Variants in OOSP2 observed in about 807,000 individuals in gnomAD.
OOSP2 encodes the protein oocyte secreted protein 2.
In OOSP2, 7 loss-of-function variants were observed where a neutral mutation model predicts 13.4. The observed-to-expected ratio is 0.52, with a 90% CI of 0.30 to 0.98. The LOEUF is 0.98. OOSP2 is among the 50% of genes least tolerant of loss of function. OOSP2 has a pLI of 0.07. For missense variants in OOSP2, 184 were observed against 188.5 expected (o/e 0.98, Z 0.14); for synonymous variants, 75 against 67.2 (o/e 1.12, Z -0.57).
chr11:60,045,363 A>G (rs1034395312), intron 3 of OOSP2, among the ~76,000 whole-genome samples: 9 of 151,668 alleles, frequency 5.9e-5, no homozygotes, highest in African/African-American at 2.2e-4. Flanking sequence ...GTATCCTGAT[A>G]CACTTTTTTT....
At position 60,044,744 on chromosome 11, in the gene OOSP2, A is replaced by G; in HGVS notation, c.317A>G (p.Gln106Arg). Residue 106 changes from glutamine (Q) to arginine (R), a missense_variant, in exon 3 of 4, where the codon CAG becomes CGG. Physicochemically the swap from Gln to Arg is conservative, Grantham distance 43. Transcript: ENST00000278855. ...FTPRNIDHDP[Q>R]EIHLECSTSR... The stretch of plus-strand genomic sequence containing the variant: ...CCAAGGAATATAGATCATGACCCTC[A>G]GGAAATCCATTTGGAGTGTTCCACC... The G allele has an allele frequency of 1.9e-6, 3 of 1,596,744 alleles. No individual in the cohort carries two copies. The highest frequency in any genetic ancestry group is 1.7e-6 in the Non-Finnish European group (2 of 1,164,646).
intron 3 of OOSP2, among the ~76,000 whole-genome samples, chr11:60,045,938 C>T (rs908237135): frequency 6.6e-6 from 1 of 151,908 alleles, no homozygotes; most frequent in African/African-American, 2.4e-5. Flanking sequence ...TGTCTCTGTC[C>T]TTGTCTGTCC....
Position 60,040,411 on chromosome 11 carries a change from T to G in OOSP2, c.-49T>G, listed in dbSNP as rs371474191. The G allele has an allele frequency of 8.9e-7, 1 of 1,120,468 alleles. No homozygotes were observed. The highest frequency in any genetic ancestry group is 1.5e-5 in the African/African-American group (1 of 65,640). The allele number at this position is 1,120,468 out of a possible 1,614,324, so 69.4% of individuals were successfully genotyped here. On this transcript the variant is annotated 5_prime_UTR_variant, in exon 1 of 4. Transcript: ENST00000278855. ...ATCACTTAAACCAGTCGCCACTCCTTGTTTCCTGAGTTGTCCTGTGCTGGA... is the reference window on the plus strand; with the variant it reads ...ATCACTTAAACCAGTCGCCACTCCTGGTTTCCTGAGTTGTCCTGTGCTGGA...
At chr11:60,040,666 G>T in intron 1 of OOSP2, 143 bp downstream of exon 1, 1 of 611,500 alleles carries the variant, frequency 1.6e-6, no homozygotes, top group Non-Finnish European at 3.0e-6. Flanking sequence ...AAGTAGACTT[G>T]TGTCAATATA....
chr11:60,040,529 T>C lies in OOSP2; in HGVS notation c.64+6T>C, dbSNP rs1854914866. The C allele has an allele frequency of 6.6e-7, 1 of 1,516,384 alleles. No homozygotes were observed. Among genetic ancestry groups the C allele is most frequent in the Non-Finnish European group, 9.2e-7 (1 of 1,090,694 alleles). 93.9% of individuals were successfully genotyped at this position (1,516,384 alleles called of 1,614,324 possible). A position where few individuals can be genotyped will look rare whatever the true frequency, so the allele number is the denominator to read the frequency against. On this transcript the variant is annotated splice_donor_region_variant and intron_variant, in intron 1 of 3. Coordinates refer to ENST00000278855, the MANE Select transcript of OOSP2 (RefSeq NM_173801.5). ...CGGTGCTGAGAACCTCCATGGTAAA[T>C]AACAAGTTTTAGAGAATGCTTCCTC...
Position 60,047,610 on chromosome 11 carries a change from T to C in OOSP2, c.*537T>C, listed in dbSNP as rs1168892098. 1.3e-5 allele frequency: 2 copies of C among 152,166 alleles called. No individual in the cohort carries two copies. The highest frequency in any genetic ancestry group is 2.9e-5 in the Non-Finnish European group (2 of 68,010). The allele number at this position is 152,166 out of a possible 1,614,324, so 9.4% of individuals were successfully genotyped here. A position where few individuals can be genotyped will look rare whatever the true frequency, so the allele number is the denominator to read the frequency against. ...ACAATAATGCCATGTGACAACCTAT[T>C]TAGATTATTCCAGAATTAAATTCAA... On this transcript the variant is annotated 3_prime_UTR_variant, in exon 4 of 4. Coordinates refer to ENST00000278855, the MANE Select transcript of OOSP2 (RefSeq NM_173801.5).
intron 1 of OOSP2, among the ~76,000 whole-genome samples, chr11:60,040,878 G>C (rs1427556709): frequency 2.0e-5 from 3 of 152,160 alleles, no homozygotes; most frequent in Admixed American, 1.3e-4. Flanking sequence ...AAGATATTCA[G>C]TTGCATCTTA....
chr11:60,043,277 T>C (rs1465814573), intron 1 of OOSP2, among the ~76,000 whole-genome samples, 192 bp from the exon 2 acceptor site: 2 of 152,310 alleles, frequency 1.3e-5, no homozygotes, highest in East Asian at 3.9e-4. Flanking sequence ...TCTAGTTACA[T>C]GGGGGCATAA....
chr11:60,042,766 G>A (rs1291622196), intron 1 of OOSP2, among the ~76,000 whole-genome samples: 1 of 151,932 alleles, frequency 6.6e-6, no homozygotes, highest in Admixed American at 6.6e-5. Flanking sequence ...CTTTCCAAAA[G>A]TATACTGGGA....
In OOSP2 at chr11:60,043,626, T is replaced by C. The variant is rs1280478759; in HGVS notation, c.222T>C (p.Arg74=). The part of the protein sequence containing the change: ...TYVYEFIYLV[R]DCGIRTRVVS... ...TATATGAGTTTATATATCTTGTTCG[T>C]GATTGTGGCATCAGGACAAGGGTAA... The change falls in exon 2 of 4, where the codon CGT becomes CGC. Residue 74 remains arginine (R), a synonymous_variant. Transcript: ENST00000278855. 3 of 1,603,666 alleles carry C rather than the reference T, an allele frequency of 1.9e-6. No individual in the cohort carries two copies. The highest frequency in any genetic ancestry group is 1.7e-6 in the Non-Finnish European group (2 of 1,171,190).
intron 1 of OOSP2, among the ~76,000 whole-genome samples, chr11:60,042,804 C>CA (rs1325969816): frequency 2.0e-5 from 3 of 152,168 alleles, no homozygotes; most frequent in Non-Finnish European, 2.9e-5. Flanking sequence ...TAACACATTG[C>CA]AATTCACTTC....
At chr11:60,045,143 T>TTCTA in intron 3 of OOSP2, among the ~76,000 whole-genome samples, 1 of 152,118 alleles carries the variant, frequency 6.6e-6, no homozygotes, top group East Asian at 1.9e-4. Flanking sequence ...TTTATAATAT[T>TTCTA]CTGATACATT....
chr11:60,045,408 T>C (rs1436065909), intron 3 of OOSP2, among the ~76,000 whole-genome samples: 1 of 151,896 alleles, frequency 6.6e-6, no homozygotes, highest in Non-Finnish European at 1.5e-5. Context: ...TTATGTTAAG[T>C]CTTATAAATC....
At chr11:60,046,437 C>G (rs1855009329) in intron 3 of OOSP2, among the ~76,000 whole-genome samples, 1 of 142,334 alleles carries the variant, frequency 7.0e-6, no homozygotes, top group Non-Finnish European at 1.5e-5. Context: ...TTGAAGCCTA[C>G]TTTCCTTAAA....
chr11:60,041,982 GGT>G (rs1854937599), intron 1 of OOSP2, among the ~76,000 whole-genome samples: 2 of 148,620 alleles, frequency 1.3e-5, no homozygotes, highest in Admixed American at 6.7e-5. Context: ...CGTGATGGCG[GGT>G]GCCTGTAGCC....
intron 3 of OOSP2, among the ~76,000 whole-genome samples, chr11:60,046,056 CTT>C (rs967408989): frequency 6.8e-6 from 1 of 146,584 alleles, no homozygotes; most frequent in Admixed American, 7.2e-5. Flanking sequence ...GTCTCTCTGT[CTT>C]TGTCTGTCTC....
chr11:60,041,495 A>G (rs779232735), intron 1 of OOSP2, among the ~76,000 whole-genome samples: 1 of 152,132 alleles, frequency 6.6e-6, no homozygotes, highest in Non-Finnish European at 1.5e-5. Context: ...TGCTGCAGTG[A>G]AAGTATCTAT....
intron 3 of OOSP2, among the ~76,000 whole-genome samples, chr11:60,045,101 A>G (rs139193121): frequency 4.7e-4 from 72 of 152,142 alleles, no homozygotes; most frequent in African/African-American, 1.7e-3. Flanking sequence ...TGATAGGATT[A>G]AGCACTGATA....
chr11:60,042,599 G>A (rs986433747), intron 1 of OOSP2, among the ~76,000 whole-genome samples: 2 of 152,122 alleles, frequency 1.3e-5, no homozygotes, highest in African/African-American at 4.8e-5. Context: ...TAAATATAGA[G>A]GATAAAGATG....
Sources: gnomAD v4.1 joint callset for allele counts (sites outside exome capture counted in the v4.1 genomes callset) on GRCh38, gnomAD v4.1.1 for gene constraint, MANE v1.5 for transcripts, NCBI Gene and HGNC (gene_info 2026-07-23, HGNC 2026-07-21) for gene names.